CFAP47: variants seen among roughly 807,000 people sequenced by gnomAD.
The protein encoded by CFAP47 is cilia and flagella associated protein 47, also known as cilia- and flagella-associated protein 47.
CFAP47 carries 29 observed loss-of-function variants against 148.1 expected under a neutral mutation model. That is an observed-to-expected ratio of 0.20 (90% confidence interval 0.15 to 0.27). CFAP47 has a LOEUF of 0.27. Among genes scored for constraint, CFAP47 ranks in the 10% least tolerant of loss-of-function variants. The pLI is 1.00. For missense variants in CFAP47, 1,872 were observed against 1,697.5 expected (o/e 1.10, Z -1.81); for synonymous variants, 664 against 577.3 (o/e 1.15, Z -2.15).
At chrX:35,937,197 C>A (rs945737079) in intron 2 of CFAP47, among the ~76,000 whole-genome samples, 2 of 97,295 alleles carry the variant, frequency 2.1e-5, no homozygotes, top group Non-Finnish European at 4.1e-5. Context: ...GAGAACTCCT[C>A]TTCTGCAGGA....
At chrX:36,291,179 A>G (rs1315493975) in intron 51 of CFAP47, among the ~76,000 whole-genome samples, 3 of 111,723 alleles carry the variant, frequency 2.7e-5, no homozygotes, top group Non-Finnish European at 5.6e-5. Context: ...AGCTAGCATT[A>G]GCTCTGATGG....
chrX:36,255,672 T>G (rs1555998893), intron 49 of CFAP47, among the ~76,000 whole-genome samples: 3 of 111,742 alleles, frequency 2.7e-5, no homozygotes, highest in Non-Finnish European at 1.9e-5. Context: ...CATTAGTGCA[T>G]TGTAGTGTCT....
chrX:35,960,409 G>GAAAAAAAAAAAAAAA (rs1936313788), intron 8 of CFAP47, among the ~76,000 whole-genome samples: 3 of 69,687 alleles, frequency 4.3e-5, no homozygotes, highest in African/African-American at 2.8e-4. Context: ...AAAAAAAAAG[G>GAAAAAAAAAAAAAAA]ACAGCTGGAA....
At chrX:36,065,800 C>T (rs1158867930) in intron 27 of CFAP47, 57 bp downstream of exon 27, 1 of 628,022 alleles carries the variant, frequency 1.6e-6, no homozygotes, top group African/African-American at 2.2e-5. Context: ...TCTTGGCCAA[C>T]ATCTAGAAAT....
intron 1 of CFAP47, among the ~76,000 whole-genome samples, chrX:35,924,066 T>C (rs957610279): frequency 1.0e-5 from 1 of 96,909 alleles, no homozygotes; most frequent in South Asian, 4.6e-4. Context: ...TATGCGCACA[T>C]ATATGTATAT....
intron 55 of CFAP47, among the ~76,000 whole-genome samples, chrX:36,310,370 G>T (rs1941383933): frequency 9.1e-6 from 1 of 110,354 alleles, no homozygotes; most frequent in Non-Finnish European, 1.9e-5. Context: ...GCATGCAATT[G>T]TACATACTTC....
intron 30 of CFAP47, among the ~76,000 whole-genome samples, chrX:36,096,024 A>G (rs1938270157): frequency 9.0e-6 from 1 of 110,703 alleles, no homozygotes; most frequent in African/African-American, 3.3e-5. Flanking sequence ...TGCTTTTGGT[A>G]TATTTGATAG....
intron 8 of CFAP47, among the ~76,000 whole-genome samples, chrX:35,958,808 A>G (rs1043123562): frequency 1.8e-5 from 2 of 112,335 alleles, no homozygotes; most frequent in African/African-American, 6.5e-5. Flanking sequence ...TTCACTTGAA[A>G]TTAAGACTGT....
At chrX:35,963,677 AATAG>A (rs1176503596) in intron 8 of CFAP47, among the ~76,000 whole-genome samples, 1 of 111,193 alleles carries the variant, frequency 9.0e-6, no homozygotes, top group East Asian at 2.8e-4. Flanking sequence ...TTTTGTACTA[AATAG>A]ATATTTTGTA....
chrX:36,371,804 A>AGTG, intron 62 of CFAP47, among the ~76,000 whole-genome samples: 1 of 51,122 alleles, frequency 2.0e-5, no homozygotes, highest in Non-Finnish European at 2.9e-5. Context: ...ATATACACAC[A>AGTG]TGTATATATG....
chrX:36,172,733 T>G (rs1218052906), intron 39 of CFAP47, among the ~76,000 whole-genome samples: 7 of 111,919 alleles, frequency 6.3e-5, no homozygotes, highest in Admixed American at 5.7e-4. Context: ...GCAGCAATAT[T>G]CATCAAGGAT....
At chrX:35,921,108 C>T (rs1935571024) in intron 1 of CFAP47, among the ~76,000 whole-genome samples, 1 of 110,215 alleles carries the variant, frequency 9.1e-6, no homozygotes, top group South Asian at 3.8e-4. Context: ...TAGATAATCT[C>T]CATTAGCTAC....
chrX:36,376,636 T>G (rs1461098852), intron 62 of CFAP47, among the ~76,000 whole-genome samples: 1 of 112,064 alleles, frequency 8.9e-6, no homozygotes, highest in African/African-American at 3.3e-5. Context: ...TTATTATTAT[T>G]GTTATACTTT....
chrX:36,268,168 T>TGTAGTC (rs1940917209), intron 49 of CFAP47, among the ~76,000 whole-genome samples: 1 of 113,641 alleles, frequency 8.8e-6, no homozygotes, highest in African/African-American at 3.2e-5. Context: ...GGCCTTGGCC[T>TGTAGTC]CCAGGCCAAT....
At chrX:36,232,596 T>C (rs1364561726) in intron 46 of CFAP47, among the ~76,000 whole-genome samples, 10 of 111,691 alleles carry the variant, frequency 9.0e-5, no homozygotes, top group African/African-American at 3.3e-4. Flanking sequence ...TAAAGGGTTT[T>C]TTTGTGTCTC....
chrX:35,924,307 A>G (rs186123303), intron 1 of CFAP47, among the ~76,000 whole-genome samples: 9,291 of 104,995 alleles, frequency 0.088, 1,431 homozygotes, highest in African/African-American at 0.3. Context: ...ACACATATGT[A>G]TATATGTACA....
chrX:36,108,760 C>T (rs181265454), intron 33 of CFAP47, among the ~76,000 whole-genome samples: 4 of 109,101 alleles, frequency 3.7e-5, no homozygotes, highest in Admixed American at 9.8e-5. Flanking sequence ...TATACTTCAG[C>T]GCTGTAAACT....
rs782569056 is a variant in CFAP47 at position 36,360,157 on chromosome X, A to G, written c.8852-1173A>G. 1.3e-4 allele frequency among the ~76,000 whole-genome samples: 14 copies of G among 111,894 alleles called. No individual in the cohort carries two copies. In the South Asian group the frequency reaches 5.2e-3, roughly 42 times the overall value. ...TGAGAAATCCACTGATAGTGTAATAATAGTTCCCTTGTATGTGATGAGACA... is the reference window on the plus strand; with the variant it reads ...TGAGAAATCCACTGATAGTGTAATAGTAGTTCCCTTGTATGTGATGAGACA... On this transcript the variant is annotated intron_variant, in intron 60 of 63. Coordinates refer to ENST00000378653, the MANE Select transcript of CFAP47 (RefSeq NM_001304548.2).
In CFAP47 at chrX:36,375,969, C is replaced by T. The variant is rs150115926; in HGVS notation, c.9186-3381C>T. 6.6e-3 allele frequency among the ~76,000 whole-genome samples: 738 copies of T among 112,077 alleles called. 5 individuals are homozygous for T. Among genetic ancestry groups the T allele is most frequent in the African/African-American group, 0.017 (533 of 30,852 alleles). The stretch of plus-strand genomic sequence containing the variant: ...TGTGAAGACCCTTGAGATCCTTAGT[C>T]TTGACTCTGGGTCAAGAAGCAAGAG... On this transcript the variant is annotated intron_variant, in intron 62 of 63. Transcript: ENST00000378653.
Sources: gnomAD v4.1 joint callset for allele counts (sites outside exome capture counted in the v4.1 genomes callset) on GRCh38, gnomAD v4.1.1 for gene constraint, MANE v1.5 for transcripts, NCBI Gene and HGNC (gene_info 2026-07-23, HGNC 2026-07-21) for gene names.